Variants in LARS1 observed in about 807,000 individuals in gnomAD.
The protein encoded by LARS1 is leucine--tRNA ligase, cytoplasmic.
In LARS1, 100 loss-of-function variants were observed where a neutral mutation model predicts 162.8. The observed-to-expected ratio is 0.61, with a 90% CI of 0.52 to 0.73. The LOEUF (loss-of-function observed/expected upper bound fraction) is 0.73, where lower values mean the gene tolerates loss of function less well. LARS1 is among the 30% of genes least tolerant of loss of function. The pLI is 0.00. For synonymous variants in LARS1, 457 were observed against 462.8 expected (o/e 0.99, Z 0.16); for missense variants, 1,258 against 1,408.9 (o/e 0.89, Z 1.71).
intron 22 of LARS1, among the ~76,000 whole-genome samples, chr5:146,134,372 T>C (rs1004609453): frequency 6.6e-6 from 1 of 152,210 alleles, no homozygotes; most frequent in Admixed American, 6.5e-5. Flanking sequence ...TAATTGCTTA[T>C]ATATCTTGTA....
rs750198316 is a variant in LARS1 at position 146,168,194 on chromosome 5, CTCTTCT to C, written c.360_365del (p.Glu125_Glu126del). The C allele has an allele frequency of 2.5e-6, 4 of 1,612,718 alleles. No homozygotes were observed. In the Admixed American group the frequency reaches 5.0e-5, roughly 20 times the overall value. Reference sequence around the variant, plus strand: ...TTTTAACACTGGTTTCTTCCTCTTCCTCTTCTTCATCTGGAAAATCAGGGGGGCAAC... The same window carrying C: ...TTTTAACACTGGTTTCTTCCTCTTCCTCATCTGGAAAATCAGGGGGGCAAC... On this transcript the variant is annotated inframe_deletion, in exon 5 of 32. Coordinates refer to ENST00000394434, the MANE Select transcript of LARS1 (RefSeq NM_020117.11).
At position 146,114,124 on chromosome 5, in the gene LARS1, T is replaced by G; in HGVS notation, c.3513A>C (p.Ile1171=). The part of the protein sequence containing the change: ...NGIRVDIGDT[I]IYLVH ...CATGAGTTTAATGAACCAGATAGATTATTGTATCGCCAATATCCACCCTTA... is the reference window on the plus strand; with the variant it reads ...CATGAGTTTAATGAACCAGATAGATGATTGTATCGCCAATATCCACCCTTA... Residue 1171 remains isoleucine, a synonymous_variant, in exon 32 of 32, where the codon ATA becomes ATC. Coordinates refer to ENST00000394434, the MANE Select transcript of LARS1 (RefSeq NM_020117.11). 1 of 1,613,188 alleles carries G rather than the reference T, an allele frequency of 6.2e-7. No individual in the cohort carries two copies. Among genetic ancestry groups the G allele is most frequent in the Non-Finnish European group, 8.5e-7 (1 of 1,179,490 alleles).
At chr5:146,174,103 T>C (rs1754397746) in intron 2 of LARS1, among the ~76,000 whole-genome samples, 1 of 128,236 alleles carries the variant, frequency 7.8e-6, no homozygotes, top group Non-Finnish European at 1.6e-5. Flanking sequence ...TAGCTTCAAG[T>C]ATAACACCAG....
intron 27 of LARS1, among the ~76,000 whole-genome samples, chr5:146,128,228 G>T (rs1372438574): frequency 6.6e-6 from 1 of 152,006 alleles, no homozygotes; most frequent in South Asian, 2.1e-4. Flanking sequence ...AACATTTAAA[G>T]TACTCAAGAA....
chr5:146,124,919 TACC>T, intron 28 of LARS1, among the ~76,000 whole-genome samples: 1 of 151,946 alleles, frequency 6.6e-6, no homozygotes, highest in East Asian at 1.9e-4. Flanking sequence ...AAAAATATAT[TACC>T]ACTCAAACGG....
intron 2 of LARS1, among the ~76,000 whole-genome samples, chr5:146,177,224 T>G (rs1410499129): frequency 6.6e-6 from 1 of 152,014 alleles, no homozygotes; most frequent in Admixed American, 6.6e-5. Context: ...CCCAGGACTT[T>G]GGGAGGCCGA....
At chr5:146,174,144 TAAAAAAA>T (rs66479730) in intron 2 of LARS1, among the ~76,000 whole-genome samples, 17 of 89,140 alleles carry the variant, frequency 1.9e-4, no homozygotes, top group East Asian at 4.2e-4. Context: ...CTTTTTCTCT[TAAAAAAA>T]AAAAAAAAAA....
chr5:146,133,641 G>GTCCATCA (rs1014103607), intron 22 of LARS1, among the ~76,000 whole-genome samples: 43 of 132,970 alleles, frequency 3.2e-4, no homozygotes, highest in African/African-American at 1.2e-3. Context: ...GAACCTAAAT[G>GTCCATCA]TCCATCAATT....
chr5:146,116,522 T>C (rs1439227736), intron 31 of LARS1, among the ~76,000 whole-genome samples: 2 of 152,226 alleles, frequency 1.3e-5, no homozygotes, highest in Middle Eastern at 3.2e-3. Context: ...TTACTGTCCA[T>C]AGATTCGTAG....
rs199516658 is a variant in LARS1, at chr5:146,129,013, G to T, written c.2734C>A (p.Arg912=). ...GCTGGCATCATATAGTTCTTGAGTCGTAGTCTAAGGTCATGTGTTACTTCC... is the reference window on the plus strand; with the variant it reads ...GCTGGCATCATATAGTTCTTGAGTCTTAGTCTAAGGTCATGTGTTACTTCC... ...LMEVTHDLRL[R]LKNYMMPAKG... is the part of the protein sequence containing the mutation. Residue 912 remains arginine, a synonymous_variant, in exon 26 of 32, where the codon CGA becomes AGA. Transcript: ENST00000394434. 5.0e-6 allele frequency: 8 copies of T among 1,604,136 alleles called. No individual in the cohort carries two copies. The highest frequency in any genetic ancestry group is 6.8e-6 in the Non-Finnish European group (8 of 1,176,990).
intron 25 of LARS1, among the ~76,000 whole-genome samples, chr5:146,129,592 T>C (rs1752190411): frequency 6.6e-6 from 1 of 152,178 alleles, no homozygotes; most frequent in African/African-American, 2.4e-5. Flanking sequence ...AGCCAATCTA[T>C]TTATCTGTAA....
intron 13 of LARS1, 30 bp downstream of exon 13, chr5:146,153,144 G>A (rs1204444587): frequency 1.3e-6 from 2 of 1,517,580 alleles, no homozygotes; most frequent in South Asian, 2.3e-5. Flanking sequence ...AGAGATGGAT[G>A]TGAATATTCT....
At chr5:146,154,181 T>C (rs1303560268) in intron 10 of LARS1, among the ~76,000 whole-genome samples, 1 of 152,110 alleles carries the variant, frequency 6.6e-6, no homozygotes, top group Non-Finnish European at 1.5e-5. Flanking sequence ...TAGATTTTTT[T>C]AAGAGACAGA....
intron 2 of LARS1, among the ~76,000 whole-genome samples, chr5:146,173,762 A>C (rs770683357): frequency 2.6e-5 from 4 of 151,996 alleles, no homozygotes; most frequent in Non-Finnish European, 4.4e-5. Flanking sequence ...TTTCCTCTCT[A>C]CTGTCCCACA....
Position 146,126,483 on chromosome 5 carries a change from T to C in LARS1, c.2943A>G (p.Glu981=). 6.2e-7 allele frequency: 1 copy of C among 1,612,504 alleles called. No individual in the cohort carries two copies. The highest frequency in any genetic ancestry group is 8.5e-7 in the Non-Finnish European group (1 of 1,178,926). ...VIASELGSMP[E]LKKYMKKVMP... ...TGACTTTCTTCATGTATTTCTTCAG[T>C]TCTGGCATACTGCCTAGTTCACTAG... is the stretch of plus-strand genomic sequence containing the variant. Residue 981 remains glutamate (E), a synonymous_variant, in exon 28 of 32, where the codon GAA becomes GAG. Transcript: ENST00000394434.
Position 146,129,492 on chromosome 5 carries a change from A to G in LARS1, c.2629-374T>C, listed in dbSNP as rs945127165. ...CAGTATTCAAGTACGGTTATTTGGT[A>G]TATAGATCATGAGCACATTTCTGTA... On this transcript the variant is annotated intron_variant, in intron 25 of 31. Transcript: ENST00000394434. 2.6e-5 allele frequency among the ~76,000 whole-genome samples: 4 copies of G among 152,330 alleles called. No individual in the cohort carries two copies. The East Asian group carries it at 5.8e-4, about 22-fold the overall frequency.
At chr5:146,142,274 C>CAA (rs35320822) in intron 20 of LARS1, among the ~76,000 whole-genome samples, 3 of 150,106 alleles carry the variant, frequency 2.0e-5, no homozygotes, top group Non-Finnish European at 3.0e-5. Flanking sequence ...GACTCTGTCT[C>CAA]AAAAAAAAAA....
chr5:146,131,046 A>T lies in LARS1; in HGVS notation c.2460T>A (p.Ala820=). Residue 820 remains alanine, a synonymous_variant, in exon 24 of 32, where the codon GCT becomes GCA. Coordinates refer to ENST00000394434, the MANE Select transcript of LARS1 (RefSeq NM_020117.11). ...GAAACTCAAAAAACCCTGTTTTCAA[A>T]GCTTCTTTAAACATCATCTTTTCAT... The part of the protein sequence containing the change: ...QNYEKMMFKE[A]LKTGFFEFQA... 1 of 1,597,588 alleles carries T rather than the reference A, an allele frequency of 6.3e-7. No homozygotes were observed. Among genetic ancestry groups the T allele is most frequent in the Non-Finnish European group, 8.6e-7 (1 of 1,169,390 alleles).
chr5:146,182,385 CTT>C, intron 1 of LARS1, 101 bp downstream of exon 1: 2 of 1,504,508 alleles, frequency 1.3e-6, no homozygotes, highest in Non-Finnish European at 1.8e-6. Context: ...GCGTGGCTCT[CTT>C]TTAGAAAAGG....
Sources: allele counts gnomAD v4.1 joint callset (sites outside exome capture counted in the v4.1 genomes callset), GRCh38; gene constraint gnomAD v4.1.1; transcripts MANE v1.5; gene names NCBI Gene and HGNC (gene_info 2026-07-23, HGNC 2026-07-21).